Variants in MARCHF10 observed in about 807,000 individuals in gnomAD.
MARCHF10 encodes the protein membrane associated ring-CH-type finger 10.
A neutral mutation model predicts 76.2 loss-of-function variants in MARCHF10; 64 were observed. The observed-to-expected ratio is 0.84, with a 90% CI of 0.69 to 1.03. MARCHF10 has a LOEUF of 1.03. Ranked by LOEUF, MARCHF10 falls within the 50% of genes least tolerant of loss-of-function variation. MARCHF10 has a pLI of 0.00. For synonymous variants in MARCHF10, 340 were observed against 357.5 expected (o/e 0.95, Z 0.55); for missense variants, 875 against 958.0 (o/e 0.91, Z 1.14).
chr17:62,731,016 A>G (rs1269223414), intron 6 of MARCHF10, among the ~76,000 whole-genome samples: 4 of 152,230 alleles, frequency 2.6e-5, no homozygotes, highest in South Asian at 4.1e-4. Context: ...AGCAAAGCCC[A>G]TATTTCTAAC....
chr17:62,749,174 G>C (rs2091811502), intron 4 of MARCHF10, among the ~76,000 whole-genome samples: 2 of 150,830 alleles, frequency 1.3e-5, no homozygotes, highest in South Asian at 4.2e-4. Flanking sequence ...AACTGTGATT[G>C]TCGACTGAAG....
At chr17:62,729,535 C>T (rs1245240158) in intron 6 of MARCHF10, among the ~76,000 whole-genome samples, 2 of 146,942 alleles carry the variant, frequency 1.4e-5, no homozygotes, top group Non-Finnish European at 3.0e-5. Flanking sequence ...TATATATATA[C>T]ATATATATGT....
At chr17:62,775,416 C>A (rs1005132356) in intron 3 of MARCHF10, among the ~76,000 whole-genome samples, 4 of 151,830 alleles carry the variant, frequency 2.6e-5, no homozygotes, top group Admixed American at 1.3e-4. Context: ...ATGAGCCCGG[C>A]CCCCATAGTC....
chr17:62,798,296 A>G (rs919076022), intron 2 of MARCHF10, among the ~76,000 whole-genome samples: 5 of 152,060 alleles, frequency 3.3e-5, no homozygotes, highest in African/African-American at 1.2e-4. Context: ...AATGTGAGAG[A>G]AACAGGAAGA....
rs753964270 is a variant in MARCHF10 at position 62,736,724 on chromosome 17, T to C, written c.1144A>G (p.Arg382Gly). 28 of 1,614,178 alleles carry C rather than the reference T, an allele frequency of 1.7e-5. No homozygotes were observed. The highest frequency in any genetic ancestry group is 2.2e-5 in the Non-Finnish European group (26 of 1,180,020). ...RLSQDPGLPD[R>G]ESATEKDRGG... ...CTGTCCTTCTCTGTAGCAGATTCCC[T>C]ATCAGGCAGCCCGGGGTCTTGGGAC... The change falls in exon 6 of 11, where the codon AGG becomes GGG. Residue 382 changes from arginine (R) to glycine (G), a missense_variant. Physicochemically the swap from Arg to Gly is moderately radical, Grantham distance 125. Coordinates refer to ENST00000311269, the MANE Select transcript of MARCHF10 (RefSeq NM_152598.4).
intron 3 of MARCHF10, among the ~76,000 whole-genome samples, chr17:62,771,574 A>ACT (rs2092448314): frequency 7.9e-6 from 1 of 126,276 alleles, no homozygotes. Context: ...GTCAATATCT[A>ACT]TTTTTTTTTT....
At chr17:62,784,992 C>T (rs1244271854) in intron 3 of MARCHF10, among the ~76,000 whole-genome samples, 1 of 152,116 alleles carries the variant, frequency 6.6e-6, no homozygotes, top group East Asian at 1.9e-4. Flanking sequence ...ATCAAGCTAC[C>T]AGTGATTTTC....
chr17:62,773,992 T>C (rs1474808404), intron 3 of MARCHF10, among the ~76,000 whole-genome samples: 3 of 151,998 alleles, frequency 2.0e-5, no homozygotes, highest in Non-Finnish European at 2.9e-5. Flanking sequence ...AGAGAATTAT[T>C]AAGAGGGTCA....
intron 3 of MARCHF10, among the ~76,000 whole-genome samples, chr17:62,787,038 G>C (rs570443717): frequency 6.6e-6 from 1 of 152,236 alleles, no homozygotes; most frequent in East Asian, 1.9e-4. Context: ...AGTCAAACTA[G>C]ATTTAATTTT....
intron 9 of MARCHF10, 123 bp from the exon 10 acceptor site, chr17:62,705,704 A>C (rs2089544948): frequency 8.1e-7 from 1 of 1,233,618 alleles, no homozygotes; most frequent in African/African-American, 1.5e-5. Context: ...GGGGCAGGAA[A>C]ATGGGCAGAG....
At chr17:62,745,999 G>A (rs1050481980) in intron 4 of MARCHF10, among the ~76,000 whole-genome samples, 9 of 152,180 alleles carry the variant, frequency 5.9e-5, no homozygotes, top group African/African-American at 2.4e-5. Flanking sequence ...ATAAAGCCGG[G>A]GAAAGCCCCC....
At chr17:62,728,939 TTTTG>T (rs2090887815) in intron 6 of MARCHF10, among the ~76,000 whole-genome samples, 3 of 152,244 alleles carry the variant, frequency 2.0e-5, no homozygotes, top group African/African-American at 7.2e-5. Flanking sequence ...TGAAGGGTTT[TTTTG>T]TTTGTTTTTA....
intron 3 of MARCHF10, among the ~76,000 whole-genome samples, chr17:62,763,251 C>CT (rs1177982489): frequency 6.6e-6 from 1 of 152,162 alleles, no homozygotes; most frequent in African/African-American, 2.4e-5. Flanking sequence ...ATGGTTGAAA[C>CT]TAAAGTCAAA....
intron 3 of MARCHF10, among the ~76,000 whole-genome samples, chr17:62,761,426 T>G (rs1357592348): frequency 6.6e-6 from 1 of 152,150 alleles, no homozygotes; most frequent in Non-Finnish European, 1.5e-5. Flanking sequence ...TTTTTTCTTT[T>G]TTTCTTTTTT....
chr17:62,786,448 G>A (rs900685476), intron 3 of MARCHF10, among the ~76,000 whole-genome samples: 2 of 152,098 alleles, frequency 1.3e-5, no homozygotes, highest in Non-Finnish European at 2.9e-5. Flanking sequence ...GAGTTAATGG[G>A]TGCAGCAAAC....
intron 2 of MARCHF10, among the ~76,000 whole-genome samples, chr17:62,797,848 G>A (rs895989666): frequency 1.3e-5 from 2 of 152,188 alleles, no homozygotes; most frequent in African/African-American, 4.8e-5. Context: ...AGAAATTAGG[G>A]AAGTTGGAAC....
intron 8 of MARCHF10, among the ~76,000 whole-genome samples, chr17:62,718,924 C>A (rs1426225189): frequency 6.6e-6 from 1 of 152,112 alleles, no homozygotes. Context: ...TGTAATGCTG[C>A]TGTGGCATTA....
chr17:62,754,063 T>G (rs2091972032), intron 4 of MARCHF10, among the ~76,000 whole-genome samples: 1 of 152,080 alleles, frequency 6.6e-6, no homozygotes, highest in South Asian at 2.1e-4. Context: ...ATAATCAAAT[T>G]ATAACCACTT....
intron 4 of MARCHF10, chr17:62,750,317 A>T (rs1037791503): frequency 1.3e-5 from 2 of 154,140 alleles, no homozygotes; most frequent in Non-Finnish European, 2.9e-5. Flanking sequence ...GGACTCGGGC[A>T]CGGGGTCCGG....
Sources: allele counts gnomAD v4.1 joint callset (sites outside exome capture counted in the v4.1 genomes callset), GRCh38; gene constraint gnomAD v4.1.1; transcripts MANE v1.5; gene names NCBI Gene and HGNC (gene_info 2026-07-23, HGNC 2026-07-21).